PNLDC1: variants seen among roughly 807,000 people sequenced by gnomAD.
PNLDC1 encodes the protein PARN like ribonuclease domain containing exonuclease 1.
A neutral mutation model predicts 82.0 loss-of-function variants in PNLDC1; 70 were observed. The observed-to-expected ratio is 0.85, with a 90% CI of 0.70 to 1.04. PNLDC1 has a LOEUF of 1.04. Among genes scored for constraint, PNLDC1 ranks in the 50% least tolerant of loss-of-function variants. PNLDC1 has a pLI of 0.00. For missense variants in PNLDC1, 631 were observed against 661.1 expected (o/e 0.95, Z 0.50); for synonymous variants, 280 against 249.3 (o/e 1.12, Z -1.16).
At chr6:159,801,750 A>AT (rs113437378) in intron 3 of PNLDC1, among the ~76,000 whole-genome samples, 6,308 of 149,720 alleles carry the variant, frequency 0.042, 183 homozygotes, top group South Asian at 0.093. Context: ...CTGGCCTGTG[A>AT]TTTTTTTTTC....
intron 7 of PNLDC1, among the ~76,000 whole-genome samples, chr6:159,806,888 CTTTT>C (rs34866272): frequency 6.5e-5 from 7 of 107,756 alleles, no homozygotes; most frequent in Non-Finnish European, 9.7e-5. Context: ...AATTAGCTGC[CTTTT>C]TTTTTTTTTT....
Position 159,819,140 on chromosome 6 carries a change from G to A in PNLDC1, c.1433+19G>A, listed in dbSNP as rs946089664. On this transcript the variant is annotated intron_variant, in intron 17 of 18. Transcript: ENST00000392167. The surrounding 1 kb of genome is among the most constrained non-coding windows in gnomAD (Gnocchi z 4.6). ...TTAAGGAGTAGGTGCCTCTAAGTCC[G>A]CGTCCCCCACCCCTCGTGCGTTCAT... The A allele has an allele frequency of 6.8e-6, 11 of 1,612,556 alleles. No individual in the cohort carries two copies. The highest frequency in any genetic ancestry group is 2.2e-5 in the East Asian group (1 of 44,858).
rs1781964997 is a variant in PNLDC1, at chr6:159,819,535, GC to G, written c.1532+184del. Among the ~76,000 whole-genome samples, 1 of 152,230 alleles carries G rather than the reference GC, an allele frequency of 6.6e-6. No individual in the cohort carries two copies. Among genetic ancestry groups the G allele is most frequent in the Non-Finnish European group, 1.5e-5 (1 of 68,048 alleles). ...GATGCCGCGTGTCTGTCGAGCACCTGCTGTGCTGGGCACCATCGTAGTTCTA... is the reference window on the plus strand; with the variant it reads ...GATGCCGCGTGTCTGTCGAGCACCTGTGTGCTGGGCACCATCGTAGTTCTA... On this transcript the variant is annotated intron_variant, in intron 18 of 18. Coordinates refer to ENST00000392167, the MANE Select transcript of PNLDC1 (RefSeq NM_001271862.2). This position sits in a 1 kb window ranked among gnomAD's most constrained non-coding sequence, Gnocchi z 4.6.
chr6:159,813,722 C>G (rs187692901), intron 12 of PNLDC1, 66 bp downstream of exon 12: 2 of 1,435,066 alleles, frequency 1.4e-6, no homozygotes, highest in Non-Finnish European at 2.0e-6. Context: ...GCTCCGCAGG[C>G]CTTTGGGCTC....
intron 5 of PNLDC1, 118 bp from the exon 6 acceptor site, chr6:159,804,431 G>T (rs11757783): frequency 0.5 from 360,710 of 718,766 alleles, 95,114 homozygotes; most frequent in Admixed American, 0.58. Flanking sequence ...TGATCTAGAC[G>T]AACTGGCTTA....
chr6:159,800,937 C>G (rs939714393), intron 2 of PNLDC1, 108 bp downstream of exon 2: 7 of 1,530,896 alleles, frequency 4.6e-6, no homozygotes, highest in Non-Finnish European at 5.4e-6. Context: ...GTGTGGCTTG[C>G]TCCTACGTGT....
chr6:159,807,205 AT>A (rs1781479814), intron 7 of PNLDC1, among the ~76,000 whole-genome samples: 1 of 152,032 alleles, frequency 6.6e-6, no homozygotes, highest in Non-Finnish European at 1.5e-5. Flanking sequence ...ATGAAATATC[AT>A]TTTTACTGGA....
chr6:159,809,141 C>G lies in PNLDC1; in HGVS notation c.766C>G (p.Leu256Val). The change falls in exon 9 of 19, where the codon CTG (leucine) becomes GTG (valine). Residue 256 changes from leucine (L) to valine (V), a missense_variant. Transcript: ENST00000392167. ...GGGTTTTTCTGTCTTTTTCCAAATG[C>G]TGGTGAAAGCCCAGAAGGTAGGAAA... ...ARGFSVFFQM[L>V]VKAQKPLVGH... 6.2e-7 allele frequency: 1 copy of G among 1,614,040 alleles called. No homozygotes were observed. Among genetic ancestry groups the G allele is most frequent in the Non-Finnish European group, 8.5e-7 (1 of 1,180,000 alleles).
chr6:159,816,917 G>A (rs1460605855), intron 14 of PNLDC1, among the ~76,000 whole-genome samples, 192 bp from the exon 15 acceptor site: 3 of 152,160 alleles, frequency 2.0e-5, no homozygotes, highest in Admixed American at 6.5e-5. Context: ...CACCCGCCTC[G>A]GCCTCCCAAG....
chr6:159,809,906 T>C, intron 9 of PNLDC1, 120 bp from the exon 10 acceptor site: 1 of 797,800 alleles, frequency 1.3e-6, no homozygotes, highest in South Asian at 1.6e-5. Flanking sequence ...AGGATGGAAC[T>C]GTCAAGTGAT....
At chr6:159,808,935 T>C in intron 8 of PNLDC1, 80 bp from the exon 9 acceptor site, 1 of 1,589,924 alleles carries the variant, frequency 6.3e-7, no homozygotes, top group Non-Finnish European at 8.6e-7. Flanking sequence ...CCCTTTCCTT[T>C]TGTTTAGAGA....
intron 18 of PNLDC1, 50 bp from the exon 19 acceptor site, chr6:159,820,390 CCTGTGTCGGTGCCT>C: frequency 6.6e-7 from 1 of 1,512,794 alleles, no homozygotes; most frequent in African/African-American, 1.4e-5. Context: ...GAGGGGCAAG[CCTGTGTCGGTGCCT>C]CTCGGCCTGC....
intron 1 of PNLDC1, 72 bp from the exon 2 acceptor site, chr6:159,800,700 G>GCA (rs1407265572): frequency 1.9e-6 from 3 of 1,614,156 alleles, no homozygotes; most frequent in Non-Finnish European, 2.5e-6. Flanking sequence ...TTGGCCGCCT[G>GCA]CAGATCTACA....
intron 7 of PNLDC1, among the ~76,000 whole-genome samples, chr6:159,808,529 T>TAA (rs751817467): frequency 0.5 from 63,415 of 127,090 alleles, 15,657 homozygotes; most frequent in Non-Finnish European, 0.58. Flanking sequence ...GGCCCTGAGA[T>TAA]AAAAAAAAAA....
chr6:159,806,124 C>T lies in PNLDC1; in HGVS notation c.562+41C>T, dbSNP rs754030147. 15 of 1,468,318 alleles carry T rather than the reference C, an allele frequency of 1.0e-5. No individual in the cohort carries two copies. In the South Asian group the frequency reaches 1.7e-4, roughly 17 times the overall value. The allele number at this position is 1,468,318 out of a possible 1,614,324, so 91.0% of individuals were successfully genotyped here. ...TCCTCCCAACGCAGGAGCATTGGGA[C>T]AGGTCACTGTCACCTGCCAGGAGTT... On this transcript the variant is annotated intron_variant, in intron 7 of 18. Transcript: ENST00000392167.
chr6:159,809,038 A>G lies in PNLDC1; in HGVS notation c.663A>G (p.Lys221=), dbSNP rs1366738363. 1.9e-6 allele frequency: 3 copies of G among 1,613,336 alleles called. No individual in the cohort carries two copies. In the South Asian group the frequency reaches 3.3e-5, roughly 18 times the overall value. ...DEGVVVKKVS[K]QHRWYLQNTS... ...AGGTGGTAGTGAAGAAAGTGAGTAA[A>G]CAACATCGTTGGTATCTTCAGAACA... The change falls in exon 9 of 19, where the codon AAA becomes AAG. Residue 221 remains lysine, a synonymous_variant. Coordinates refer to ENST00000392167, the MANE Select transcript of PNLDC1 (RefSeq NM_001271862.2).
chr6:159,803,394 C>G, intron 4 of PNLDC1, 84 bp downstream of exon 4: 2 of 1,316,562 alleles, frequency 1.5e-6, no homozygotes, highest in South Asian at 1.2e-5. Flanking sequence ...CTCAGGTGCC[C>G]CGATCACTTT....
At position 159,806,019 on chromosome 6, in the gene PNLDC1, C is replaced by T. The variant is rs55637742; in HGVS notation, c.498C>T (p.Asp166=). 1.9e-3 allele frequency: 3,032 copies of T among 1,614,112 alleles called. 47 individuals carry two copies. The African/African-American group carries it at 0.03, about 16-fold the overall frequency. The change falls in exon 7 of 19, where the codon GAC becomes GAT. Residue 166 remains aspartate, a synonymous_variant. Transcript: ENST00000392167. The part of the protein sequence containing the change: ...PDKDQIKVVI[D]EVTRWLELAK... Reference sequence around the variant, plus strand: ...AAGACCAAATCAAGGTGGTGATTGACGAAGTGACGCGGTGGCTGGAGCTGG... The same window carrying T: ...AAGACCAAATCAAGGTGGTGATTGATGAAGTGACGCGGTGGCTGGAGCTGG...
chr6:159,806,616 T>G (rs1168546486), intron 7 of PNLDC1, among the ~76,000 whole-genome samples: 1 of 152,208 alleles, frequency 6.6e-6, no homozygotes, highest in Admixed American at 6.5e-5. Flanking sequence ...TCAGCACACA[T>G]TAAGGCAGGA....
Sources: gnomAD v4.1 joint callset for allele counts (sites outside exome capture counted in the v4.1 genomes callset) on GRCh38, gnomAD v4.1.1 for gene constraint, Gnocchi (gnomAD v3.1) non-coding constraint, MANE v1.5 for transcripts, NCBI Gene and HGNC (gene_info 2026-07-23, HGNC 2026-07-21) for gene names.